The following DOCK4 variants were observed in gnomAD, a reference collection of about 807,000 sequenced individuals.
The protein encoded by DOCK4 is dedicator of cytokinesis protein 4.
Under a neutral mutation model 268.1 loss-of-function variants are expected in DOCK4, and 97 were observed. The ratio of observed to expected loss-of-function variants is 0.36; its 90% confidence interval spans 0.31 to 0.43. DOCK4 has a LOEUF of 0.43. Ranked by LOEUF, DOCK4 falls within the 20% of genes least tolerant of loss-of-function variation. DOCK4 has a pLI of 1.00. For synonymous variants in DOCK4, 954 were observed against 887.2 expected, an observed-to-expected ratio of 1.08 and a Z score of -1.34; for missense variants, 2,145 against 2,455.7, an observed-to-expected ratio of 0.87 and a Z score of 2.67.
intron 1 of DOCK4, among the ~76,000 whole-genome samples, chr7:112,092,015 G>A (rs1809677887): frequency 6.6e-6 from 1 of 152,170 alleles, no homozygotes; most frequent in Non-Finnish European, 1.5e-5. Flanking sequence ...CACATGTGCA[G>A]GTGAGCACTT....
intron 10 of DOCK4, among the ~76,000 whole-genome samples, chr7:111,944,042 T>C (rs959308933): frequency 2.6e-5 from 4 of 152,200 alleles, no homozygotes; most frequent in Non-Finnish European, 4.4e-5. Context: ...GGAAAAACTG[T>C]GTAGGTTACA....
intron 37 of DOCK4, among the ~76,000 whole-genome samples, chr7:111,767,330 G>A (rs887841941): frequency 2.0e-5 from 3 of 149,854 alleles, no homozygotes; most frequent in Non-Finnish European, 2.9e-5. Flanking sequence ...TAGTTCAAGC[G>A]ATTCTCCTGC....
chr7:112,035,545 G>A (rs1399789178), intron 1 of DOCK4, among the ~76,000 whole-genome samples: 4 of 152,116 alleles, frequency 2.6e-5, no homozygotes, highest in African/African-American at 7.2e-5. Flanking sequence ...ATAGTATTAT[G>A]CAGTTAATAA....
chr7:111,937,208 G>T (rs1047863198), intron 11 of DOCK4, among the ~76,000 whole-genome samples: 5 of 152,142 alleles, frequency 3.3e-5, no homozygotes, highest in Admixed American at 6.6e-5. Flanking sequence ...TCCCAGAAGG[G>T]CTGGGGGTTC....
At chr7:111,874,863 T>G (rs972077813) in intron 17 of DOCK4, among the ~76,000 whole-genome samples, 4 of 152,230 alleles carry the variant, frequency 2.6e-5, no homozygotes, top group Admixed American at 6.5e-5. Context: ...AGACACACTT[T>G]GGGAATTCTG....
intron 34 of DOCK4, among the ~76,000 whole-genome samples, chr7:111,783,453 T>A (rs775894946): frequency 7.9e-5 from 12 of 152,154 alleles, no homozygotes; most frequent in Non-Finnish European, 1.2e-4. Context: ...GTCCCCTTTT[T>A]AAGAGAATAT....
chr7:111,916,427 T>C (rs1429507998), intron 12 of DOCK4, among the ~76,000 whole-genome samples: 3 of 152,166 alleles, frequency 2.0e-5, no homozygotes, highest in Non-Finnish European at 4.4e-5. Context: ...ACAAAGCCGA[T>C]TATAATGAAA....
intron 4 of DOCK4, among the ~76,000 whole-genome samples, chr7:111,995,416 T>C (rs1237184292): frequency 6.5e-4 from 5 of 7,674 alleles, no homozygotes; most frequent in Non-Finnish European, 1.0e-3. Flanking sequence ...TCTTTCTTTG[T>C]GTGTGTGTGT....
chr7:112,018,178 A>AAAAAAAAC (rs1481462788), intron 1 of DOCK4, among the ~76,000 whole-genome samples: 1 of 143,292 alleles, frequency 7.0e-6, no homozygotes, highest in East Asian at 2.0e-4. Flanking sequence ...AAAAAAAAAA[A>AAAAAAAAC]AACACAGGCA....
rs780090373 is a variant in DOCK4 at position 112,206,154 on chromosome 7, G to C, written c.-16C>G. On this transcript the variant is annotated 5_prime_UTR_variant, in exon 1 of 53. Transcript: ENST00000428084. ...GTATCCACATGGCTAAAGGGGCTCC[G>C]GGGTCTTCAGGCTTTGTAATCCCCG... 1 of 1,573,738 alleles carries C rather than the reference G, an allele frequency of 6.4e-7. No homozygotes were observed. The highest frequency in any genetic ancestry group is 2.3e-5 in the East Asian group (1 of 42,608).
At chr7:112,099,829 A>G (rs946442870) in intron 1 of DOCK4, among the ~76,000 whole-genome samples, 1 of 152,354 alleles carries the variant, frequency 6.6e-6, no homozygotes, top group African/African-American at 2.4e-5. Context: ...ATTTGAAGCC[A>G]TTATAACACA....
chr7:111,877,132 A>G lies in DOCK4; in HGVS notation c.1642T>C (p.Ser548Pro), dbSNP rs1277237488. The change falls in exon 17 of 53, where the codon TCC (serine) becomes CCC (proline). Residue 548 changes from serine (S) to proline (P), a missense_variant. Physicochemically the swap from Ser to Pro is moderately conservative, Grantham distance 74. Transcript: ENST00000428084. ...DTTRYLKLPF[S>P]KGIFLGNNNQ... ...TTATTCCCAAGGAAAATGCCCTTGG[A>G]AAAGGGAAGTTTGAGGTAGCGGGTA... The G allele has an allele frequency of 1.3e-6, 2 of 1,591,082 alleles. No homozygotes were observed. The highest frequency in any genetic ancestry group is 2.3e-5 in the East Asian group (1 of 43,518).
At chr7:112,037,891 C>T (rs1334604347) in intron 1 of DOCK4, among the ~76,000 whole-genome samples, 1 of 152,182 alleles carries the variant, frequency 6.6e-6, no homozygotes, top group African/African-American at 2.4e-5. Flanking sequence ...TCCATATCCT[C>T]ATATAAACCT....
At chr7:111,976,509 A>G (rs1798218402) in intron 8 of DOCK4, 1 of 151,614 alleles carries the variant, frequency 6.6e-6, no homozygotes, top group African/African-American at 2.4e-5. Context: ...TTTAGACAAA[A>G]AAGTTTTAAT....
At chr7:112,091,786 G>A (rs757282919) in intron 1 of DOCK4, among the ~76,000 whole-genome samples, 5 of 152,098 alleles carry the variant, frequency 3.3e-5, no homozygotes, top group African/African-American at 1.2e-4. Context: ...TGAAATGAAC[G>A]AGAATCCACA....
At chr7:111,826,598 T>G (rs1299427222) in intron 26 of DOCK4, among the ~76,000 whole-genome samples, 1 of 152,160 alleles carries the variant, frequency 6.6e-6, no homozygotes, top group Non-Finnish European at 1.5e-5. Context: ...CAGATGCAGC[T>G]AGAGGCCATT....
intron 30 of DOCK4, among the ~76,000 whole-genome samples, chr7:111,793,778 G>T (rs531024343): frequency 1.3e-5 from 2 of 152,280 alleles, no homozygotes; most frequent in East Asian, 3.9e-4. Context: ...CACTTTGGGA[G>T]GCCAAGGCAG....
chr7:111,886,957 G>A (rs560474499), intron 16 of DOCK4, among the ~76,000 whole-genome samples: 155 of 152,142 alleles, frequency 1.0e-3, no homozygotes, highest in South Asian at 8.3e-3. Flanking sequence ...AAAAAAGTAC[G>A]GGCATATTGA....
intron 8 of DOCK4, among the ~76,000 whole-genome samples, chr7:111,960,870 T>C (rs532935320): frequency 2.6e-5 from 4 of 152,308 alleles, no homozygotes; most frequent in Admixed American, 1.3e-4. Context: ...TCCTTCTTTT[T>C]AAGGCTGAAT....
Sources: allele counts gnomAD v4.1 joint callset (sites outside exome capture counted in the v4.1 genomes callset), GRCh38; gene constraint gnomAD v4.1.1; transcripts MANE v1.5; gene names NCBI Gene and HGNC (gene_info 2026-07-23, HGNC 2026-07-21).